The following P4HA3 variants were observed in gnomAD, a reference collection of about 807,000 sequenced individuals.
P4HA3 encodes prolyl 4-hydroxylase subunit alpha-3.
Under a neutral mutation model 66.7 loss-of-function variants are expected in P4HA3, and 60 were observed. That is an observed-to-expected ratio of 0.90 (90% CI 0.73 to 1.12). The LOEUF is 1.12. Among genes scored for constraint, P4HA3 ranks in the 50% most tolerant of loss-of-function variants. The pLI is 0.00. For missense variants in P4HA3, 683 were observed against 685.8 expected, an observed-to-expected ratio of 1.00 and a Z score of 0.05; for synonymous variants, 263 against 274.6, an observed-to-expected ratio of 0.96 and a Z score of 0.42.
intron 15 of P4HA3, among the ~76,000 whole-genome samples, chr11:74,252,228 C>T (rs1015593144): frequency 2.0e-5 from 3 of 148,634 alleles, no homozygotes; most frequent in African/African-American, 5.0e-5. Context: ...CCACCGTACC[C>T]GGCTAATTTT....
At chr11:74,290,680 A>G (rs1286080372) in intron 4 of P4HA3, among the ~76,000 whole-genome samples, 1 of 152,130 alleles carries the variant, frequency 6.6e-6, no homozygotes, top group South Asian at 2.1e-4. Flanking sequence ...CAGTTTTCCC[A>G]GCACCATTTA....
At chr11:74,304,855 C>T (rs565822283) in intron 1 of P4HA3, among the ~76,000 whole-genome samples, 1 of 152,278 alleles carries the variant, frequency 6.6e-6, no homozygotes, top group African/African-American at 2.4e-5. Context: ...GGACTAGTTT[C>T]ATGGAAAACA....
At chr11:74,283,564 C>A (rs1442276981) in intron 7 of P4HA3, among the ~76,000 whole-genome samples, 5 of 152,172 alleles carry the variant, frequency 3.3e-5, no homozygotes, top group African/African-American at 7.2e-5. Context: ...TCTCCTGCTG[C>A]CTACAGGATA....
chr11:74,308,724 A>G (rs1401997972), intron 1 of P4HA3, among the ~76,000 whole-genome samples: 2 of 152,218 alleles, frequency 1.3e-5, no homozygotes, highest in Non-Finnish European at 2.9e-5. Context: ...TAATACTTAG[A>G]GCCAAAAGTG....
At chr11:74,256,024 A>G (rs1591078330) in intron 15 of P4HA3, 12 of 482,888 alleles carry the variant, frequency 2.5e-5, no homozygotes, top group South Asian at 1.8e-4. Flanking sequence ...GGTTCACTCA[A>G]ATTTTGAATG....
intron 9 of P4HA3, among the ~76,000 whole-genome samples, chr11:74,274,961 A>G (rs1194638800): frequency 6.6e-6 from 1 of 152,122 alleles, no homozygotes; most frequent in East Asian, 1.9e-4. Context: ...TATGTTTCTT[A>G]GCCATTCATT....
chr11:74,289,619 T>C (rs1479317347), intron 4 of P4HA3, among the ~76,000 whole-genome samples: 2 of 113,306 alleles, frequency 1.8e-5, no homozygotes, highest in African/African-American at 7.0e-5. Flanking sequence ...CAACAGTCCC[T>C]GGTGTGTGAT....
chr11:74,257,856 A>T (rs1859852844), intron 15 of P4HA3, among the ~76,000 whole-genome samples: 1 of 152,128 alleles, frequency 6.6e-6, no homozygotes, highest in Non-Finnish European at 1.5e-5. Context: ...AGAACAGGAT[A>T]GTCTCATTAT....
chr11:74,266,053 T>C (rs1859985628), downstream of P4HA3, among the ~76,000 whole-genome samples: 1 of 151,854 alleles, frequency 6.6e-6, no homozygotes, highest in Admixed American at 6.6e-5. Flanking sequence ...AGTGGAATGA[T>C]GAAAAGAGGT....
At chr11:74,263,443 G>C (rs1859941501), downstream of P4HA3, among the ~76,000 whole-genome samples, 1 of 152,206 alleles carries the variant, frequency 6.6e-6, no homozygotes, top group Non-Finnish European at 1.5e-5. Context: ...AAGCACAGAA[G>C]TGACAGCAAA....
At chr11:74,258,180 A>G (rs1055693427) in intron 15 of P4HA3, among the ~76,000 whole-genome samples, 29 of 152,076 alleles carry the variant, frequency 1.9e-4, no homozygotes, top group African/African-American at 6.5e-4. Flanking sequence ...AGTTATGTCA[A>G]CTCAAGAGGC....
intron 15 of P4HA3, chr11:74,250,707 A>G (rs931867437): frequency 2.4e-5 from 11 of 462,666 alleles, no homozygotes; most frequent in African/African-American, 9.7e-5. Flanking sequence ...TGTTTCTTCT[A>G]TGTGTCTCTG....
chr11:74,279,340 C>T (rs757105053), intron 8 of P4HA3, 48 bp downstream of exon 8: 14 of 1,567,472 alleles, frequency 8.9e-6, no homozygotes, highest in Admixed American at 5.0e-5. Context: ...AGCTATGCTA[C>T]GGCCCGAGGG....
chr11:74,306,893 C>T (rs958107853), intron 1 of P4HA3, among the ~76,000 whole-genome samples: 5 of 152,198 alleles, frequency 3.3e-5, no homozygotes, highest in Admixed American at 3.3e-4. Flanking sequence ...AGTCTGTGAG[C>T]TGAAGCTCTA....
downstream of P4HA3, among the ~76,000 whole-genome samples, chr11:74,261,957 G>A (rs556778671): frequency 5.4e-4 from 82 of 152,284 alleles, no homozygotes; most frequent in South Asian, 0.016. Context: ...GACACACAGC[G>A]TAATTATGGG....
chr11:74,265,300 A>G (rs1859972701), downstream of P4HA3, among the ~76,000 whole-genome samples: 1 of 152,182 alleles, frequency 6.6e-6, no homozygotes, highest in Non-Finnish European at 1.5e-5. Flanking sequence ...GGATTTCCAG[A>G]ATCCTGGTGT....
In P4HA3 at chr11:74,272,279, C is replaced by A. The variant is rs558540414; in HGVS notation, c.1398+1266G>T. ...TTTAAAATTACTGGGCTCTTATACC[C>A]ACGCTACCTTCGCTATAGTAACTGG... On this transcript the variant is annotated intron_variant, in intron 10 of 12. Transcript: ENST00000331597. Among the ~76,000 whole-genome samples, 6 of 152,288 alleles carry A rather than the reference C, an allele frequency of 3.9e-5. No homozygotes were observed. The South Asian group carries it at 1.2e-3, about 32-fold the overall frequency.
chr11:74,305,888 A>G (rs1484425513), intron 1 of P4HA3, among the ~76,000 whole-genome samples: 2 of 152,208 alleles, frequency 1.3e-5, no homozygotes, highest in African/African-American at 4.8e-5. Context: ...TTTAGTGAGT[A>G]AGAAAGACAC....
chr11:74,268,102 G>A, intron 12 of P4HA3, 43 bp downstream of exon 12: 2 of 1,547,952 alleles, frequency 1.3e-6, no homozygotes, highest in South Asian at 2.3e-5. Flanking sequence ...ACTCTACTCT[G>A]CACCCTGTAC....
Sources: gnomAD v4.1 joint callset for allele counts (sites outside exome capture counted in the v4.1 genomes callset) on GRCh38, gnomAD v4.1.1 for gene constraint, MANE v1.5 for transcripts, NCBI Gene and HGNC (gene_info 2026-07-23, HGNC 2026-07-21) for gene names.